Variants in MICAL2 observed in about 807,000 individuals in gnomAD.
The protein encoded by MICAL2 is microtubule associated monooxygenase, calponin and LIM domain containing 2.
MICAL2 carries 77 observed loss-of-function variants against 127.3 expected under a neutral mutation model. The observed-to-expected ratio is 0.60, with a 90% CI of 0.50 to 0.73. MICAL2 has a LOEUF of 0.73. MICAL2 is among the 30% of genes least tolerant of loss of function. The probability of loss-of-function intolerance (pLI) is 0.00; values close to 1 mark genes in which losing one functional copy is unlikely to be tolerated. For synonymous variants in MICAL2, 570 were observed against 551.1 expected (o/e 1.03, Z -0.48); for missense variants, 1,351 against 1,434.4 (o/e 0.94, Z 0.94).
intron 3 of MICAL2, among the ~76,000 whole-genome samples, chr11:12,191,629 T>G (rs1859137074): frequency 6.6e-6 from 1 of 152,096 alleles, no homozygotes; most frequent in Non-Finnish European, 1.5e-5. Context: ...TAGCTGGGCA[T>G]GGTGGTGCAC....
Position 12,258,570 on chromosome 11 carries a change from A to G in MICAL2, c.3231+14A>G, listed in dbSNP as rs1356410833. On this transcript the variant is annotated intron_variant, in intron 25 of 27. Transcript: ENST00000683283. ...CAACAAAGAGAGGTATGTTTGTCTC[A>G]AACATGCTGGTGAAACGGGGAAGGC... 1 of 1,609,222 alleles carries G rather than the reference A, an allele frequency of 6.2e-7. No homozygotes were observed. Among genetic ancestry groups the G allele is most frequent in the Admixed American group, 1.7e-5 (1 of 60,014 alleles).
intron 25 of MICAL2, among the ~76,000 whole-genome samples, chr11:12,259,529 T>C (rs1219596652): frequency 6.6e-6 from 1 of 152,216 alleles, no homozygotes; most frequent in Non-Finnish European, 1.5e-5. Flanking sequence ...ATATTTCAAA[T>C]TATTTACTTG....
chr11:12,283,042 G>A (rs536539519), intron 2 of MICAL2, among the ~76,000 whole-genome samples: 2 of 152,306 alleles, frequency 1.3e-5, no homozygotes, highest in African/African-American at 2.4e-5. Flanking sequence ...GGTAGAATGC[G>A]TGACTCTCAA....
intron 2 of MICAL2, among the ~76,000 whole-genome samples, chr11:12,150,995 C>T (rs183101690): frequency 1.6e-4 from 24 of 152,234 alleles, no homozygotes; most frequent in Non-Finnish European, 2.8e-4. Flanking sequence ...GAGGCCCCTC[C>T]GTTTAATTTT....
downstream of MICAL2, chr11:12,292,211 T>A: frequency 6.2e-7 from 1 of 1,614,086 alleles, no homozygotes; most frequent in Non-Finnish European, 8.5e-7. Flanking sequence ...TCCTCTTCCT[T>A]CATCGTCTTC....
Position 12,221,792 on chromosome 11 carries a change from G to A in MICAL2, c.1322+33G>A, listed in dbSNP as rs373116020. The A allele has an allele frequency of 7.0e-6, 11 of 1,573,296 alleles. No homozygotes were observed. The African/African-American group carries it at 1.4e-4, about 19-fold the overall frequency. On this transcript the variant is annotated intron_variant, in intron 10 of 27. Coordinates refer to ENST00000683283, the MANE Select transcript of MICAL2 (RefSeq NM_001282663.2). ...TTGACAGTAGGGCTCCTAACTGGGG[G>A]GCAGGGCACTCAGGCAGGAAAGGGG... is the stretch of plus-strand genomic sequence containing the variant.
At position 12,216,331 on chromosome 11, in the gene MICAL2, T is replaced by G; in HGVS notation, c.948+12T>G. On this transcript the variant is annotated intron_variant, in intron 8 of 27. Coordinates refer to ENST00000683283, the MANE Select transcript of MICAL2 (RefSeq NM_001282663.2). ...GTGTCATCATTAACGTACGTACCTCTTGGCTGCGATTTCCCGACTTCGCGA... is the reference window on the plus strand; with the variant it reads ...GTGTCATCATTAACGTACGTACCTCGTGGCTGCGATTTCCCGACTTCGCGA... 6.2e-7 allele frequency: 1 copy of G among 1,604,600 alleles called. No homozygotes were observed. Among genetic ancestry groups the G allele is most frequent in the Non-Finnish European group, 8.5e-7 (1 of 1,171,596 alleles).
rs1335697233 is a variant in MICAL2 at position 12,258,482 on chromosome 11, A to G, written c.3157A>G (p.Lys1053Glu). 6.2e-7 allele frequency: 1 copy of G among 1,614,048 alleles called. No homozygotes were observed. Among genetic ancestry groups the G allele is most frequent in the Non-Finnish European group, 8.5e-7 (1 of 1,180,016 alleles). The change falls in exon 25 of 28, where the codon AAG becomes GAG. Residue 1053 changes from lysine (K) to glutamate (E), a missense_variant. Transcript: ENST00000683283. Reference sequence around the variant, plus strand: ...TCTTTTTACAGGCAAATTTTACTGCAAGCCTCACTTCATTCACTGTAAAAC... The same window carrying G: ...TCTTTTTACAGGCAAATTTTACTGCGAGCCTCACTTCATTCACTGTAAAAC... Reference protein sequence around the residue: ...FDCDEGKFYCKPHFIHCKTNS... With the variant: ...FDCDEGKFYCEPHFIHCKTNS...
At chr11:12,238,602 C>A (rs1478921826) in intron 16 of MICAL2, among the ~76,000 whole-genome samples, 1 of 152,078 alleles carries the variant, frequency 6.6e-6, no homozygotes, top group Non-Finnish European at 1.5e-5. Context: ...GAAACTGTTA[C>A]AGTTTGTAGG....
intron 20 of MICAL2, 113 bp from the exon 21 acceptor site, chr11:12,243,874 C>T (rs2134498909): frequency 7.7e-7 from 1 of 1,299,384 alleles, no homozygotes; most frequent in Non-Finnish European, 1.1e-6. Flanking sequence ...AGACATGGGT[C>T]TCCTTTCTTT....
intron 16 of MICAL2, among the ~76,000 whole-genome samples, chr11:12,236,497 A>T (rs1859080087): frequency 6.6e-6 from 1 of 152,238 alleles, no homozygotes; most frequent in Non-Finnish European, 1.5e-5. Context: ...ATACACTTGA[A>T]ATACATGAAA....
chr11:12,198,699 A>G (rs1860264448), intron 3 of MICAL2, among the ~76,000 whole-genome samples: 2 of 152,276 alleles, frequency 1.3e-5, no homozygotes, highest in Non-Finnish European at 1.5e-5. Flanking sequence ...GCTACCAGGA[A>G]GACAGCACCA....
At chr11:12,203,654 G>T (rs1854307556) in intron 3 of MICAL2, among the ~76,000 whole-genome samples, 1 of 152,052 alleles carries the variant, frequency 6.6e-6, no homozygotes. Flanking sequence ...ATATGTTTTG[G>T]ATACAGGTCC....
At chr11:12,316,649 A>C (rs1203853858) in intron 29 of MICAL2, among the ~76,000 whole-genome samples, 1 of 148,090 alleles carries the variant, frequency 6.8e-6, no homozygotes, top group Non-Finnish European at 1.5e-5. Context: ...TTATTGACAA[A>C]TTTTTCTCTT....
chr11:12,294,114 G>C (rs187860015), downstream of MICAL2: 3 of 1,613,980 alleles, frequency 1.9e-6, no homozygotes, highest in Admixed American at 1.7e-5. Flanking sequence ...AAACCAGTCC[G>C]CCCCCTGCTG....
intron 16 of MICAL2, among the ~76,000 whole-genome samples, chr11:12,237,397 C>T (rs941167658): frequency 2.0e-5 from 3 of 152,198 alleles, no homozygotes; most frequent in African/African-American, 7.2e-5. Flanking sequence ...GAAGCGGAGA[C>T]TGCACAAGGC....
intron 33 of MICAL2, among the ~76,000 whole-genome samples, chr11:12,352,064 A>C (rs985058097): frequency 1.3e-5 from 2 of 152,208 alleles, no homozygotes; most frequent in Admixed American, 6.5e-5. Context: ...CTGGAATTAC[A>C]GGCCTGAGCC....
At chr11:12,359,492 T>C (rs971025412), downstream of MICAL2, among the ~76,000 whole-genome samples, 1 of 152,114 alleles carries the variant, frequency 6.6e-6, no homozygotes, top group African/African-American at 2.4e-5. Flanking sequence ...TCTCTCCCTC[T>C]CCCCAGGAAC....
chr11:12,187,708 T>C (rs1384077637), intron 3 of MICAL2, among the ~76,000 whole-genome samples: 1 of 152,156 alleles, frequency 6.6e-6, no homozygotes, highest in Non-Finnish European at 1.5e-5. Flanking sequence ...GTGGATGAGT[T>C]GTCCGTATCT....
Sources: allele counts gnomAD v4.1 joint callset (sites outside exome capture counted in the v4.1 genomes callset), GRCh38; gene constraint gnomAD v4.1.1; transcripts MANE v1.5; gene names NCBI Gene and HGNC (gene_info 2026-07-23, HGNC 2026-07-21).